CTNNA2: variants seen among roughly 807,000 people sequenced by gnomAD.
CTNNA2 encodes catenin alpha 2, also known as catenin alpha-2.
CTNNA2 carries 42 observed loss-of-function variants against 101.0 expected under a neutral mutation model. That is an observed-to-expected ratio of 0.42 (90% CI 0.32 to 0.54). The LOEUF is 0.54. Among genes scored for constraint, CTNNA2 ranks in the 20% least tolerant of loss-of-function variants. The pLI, the probability that CTNNA2 is intolerant of heterozygous loss-of-function variation, is 0.14. For synonymous variants in CTNNA2, 450 were observed against 456.4 expected (o/e 0.99, Z 0.18); for missense variants, 871 against 1,223.1 (o/e 0.71, Z 4.29).
chr2:79,383,413 G>A (rs936485649), intron 4 of CTNNA2, among the ~76,000 whole-genome samples: 45 of 152,276 alleles, frequency 3.0e-4, no homozygotes, highest in African/African-American at 1.0e-3. Flanking sequence ...AGAGAAAAGT[G>A]TGTGGAAATA....
chr2:79,914,166 C>CAAAAAAAA (rs55675912), intron 7 of CTNNA2, among the ~76,000 whole-genome samples: 6 of 90,620 alleles, frequency 6.6e-5, no homozygotes, highest in Non-Finnish European at 1.1e-4. Flanking sequence ...GACTCCGTCT[C>CAAAAAAAA]AAAAAAAAAA....
intron 1 of CTNNA2, among the ~76,000 whole-genome samples, chr2:79,651,297 A>C (rs1212514746): frequency 1.3e-5 from 2 of 152,186 alleles, no homozygotes; most frequent in African/African-American, 4.8e-5. Flanking sequence ...GAAATATTTC[A>C]GTGGCTATTG....
chr2:79,306,991 T>A (rs1160009144), intron 2 of CTNNA2, among the ~76,000 whole-genome samples: 2 of 152,220 alleles, frequency 1.3e-5, no homozygotes. Context: ...TTTGTAGGCA[T>A]AAGATATACT....
At chr2:79,320,544 A>G (rs1482754251) in intron 3 of CTNNA2, among the ~76,000 whole-genome samples, 1 of 152,180 alleles carries the variant, frequency 6.6e-6, no homozygotes, top group Non-Finnish European at 1.5e-5. Context: ...GGCTGAGAAG[A>G]GTCTACCTGA....
At chr2:79,948,000 C>A (rs1180669101) in intron 7 of CTNNA2, among the ~76,000 whole-genome samples, 1 of 152,212 alleles carries the variant, frequency 6.6e-6, no homozygotes, top group Non-Finnish European at 1.5e-5. Flanking sequence ...CCCGTCCCTG[C>A]CCTGCAAGAA....
chr2:80,232,341 G>GTTGTTTTTT (rs1709276642), intron 7 of CTNNA2, among the ~76,000 whole-genome samples: 2 of 82,052 alleles, frequency 2.4e-5, no homozygotes, highest in African/African-American at 6.6e-5. Flanking sequence ...TTGTTTGTTT[G>GTTGTTTTTT]TTTGTTTTTT....
At chr2:80,397,731 A>G (rs1678155541) in intron 8 of CTNNA2, among the ~76,000 whole-genome samples, 1 of 152,162 alleles carries the variant, frequency 6.6e-6, no homozygotes, top group South Asian at 2.1e-4. Flanking sequence ...TTTTTATTAG[A>G]AGCGTGAGAA....
intron 3 of CTNNA2, among the ~76,000 whole-genome samples, chr2:79,344,935 T>C (rs1206016825): frequency 6.7e-6 from 1 of 148,880 alleles, no homozygotes; most frequent in Non-Finnish European, 1.5e-5. Context: ...AGATAGTGTA[T>C]GTAAAGTACT....
chr2:80,039,370 C>T (rs1014399085), intron 7 of CTNNA2, among the ~76,000 whole-genome samples: 6 of 152,126 alleles, frequency 3.9e-5, no homozygotes, highest in Non-Finnish European at 5.9e-5. Context: ...CCAGAATGTC[C>T]GGGGAAATGT....
intron 7 of CTNNA2, among the ~76,000 whole-genome samples, chr2:80,167,315 T>A (rs1230597482): frequency 6.6e-6 from 1 of 152,142 alleles, no homozygotes; most frequent in Non-Finnish European, 1.5e-5. Context: ...ATAAGAGGAA[T>A]CATTATAATT....
intron 7 of CTNNA2, among the ~76,000 whole-genome samples, chr2:80,107,422 A>C (rs1193145147): frequency 6.6e-6 from 1 of 152,014 alleles, no homozygotes; most frequent in Non-Finnish European, 1.5e-5. Flanking sequence ...GGTTGGCCCT[A>C]GGAGGAGAGA....
intron 2 of CTNNA2, among the ~76,000 whole-genome samples, chr2:79,724,078 A>G (rs528717146): frequency 1.3e-5 from 2 of 152,242 alleles, no homozygotes; most frequent in Admixed American, 1.3e-4. Flanking sequence ...GCCTCGTTGG[A>G]TGTTACTGAT....
chr2:79,760,288 TG>T (rs1672700958), intron 3 of CTNNA2, among the ~76,000 whole-genome samples: 1 of 73,942 alleles, frequency 1.4e-5, no homozygotes, highest in South Asian at 5.8e-4. Context: ...ACATATAAAA[TG>T]TGTGTGTGTG....
At position 80,126,459 on chromosome 2, in the gene CTNNA2, TTCTC is replaced by T. The variant is rs61295855; in HGVS notation, c.1056+216680_1056+216683del. Among the ~76,000 whole-genome samples the T allele has an allele frequency of 3.2e-3, 469 of 148,108 alleles. 1 individual carries two copies. The highest frequency in any genetic ancestry group is 8.4e-3 in the Admixed American group (126 of 14,922). On this transcript the variant is annotated intron_variant, in intron 7 of 18. Coordinates refer to ENST00000402739, the MANE Select transcript of CTNNA2 (RefSeq NM_001282597.3). Reference sequence around the variant, plus strand: ...AATCTCTTACCTCCAACTCCTACCATTCTCTCTCTCTCTCTCTCTCTGTCTTGAT... The same window carrying T: ...AATCTCTTACCTCCAACTCCTACCATTCTCTCTCTCTCTCTCTGTCTTGAT...
At chr2:79,991,189 C>T (rs552052233) in intron 7 of CTNNA2, among the ~76,000 whole-genome samples, 24 of 152,030 alleles carry the variant, frequency 1.6e-4, no homozygotes, top group African/African-American at 2.9e-4. Context: ...GTCTTGCTAG[C>T]GGTCTATAAA....
chr2:79,717,303 G>A (rs191192157), intron 2 of CTNNA2, among the ~76,000 whole-genome samples: 6 of 152,326 alleles, frequency 3.9e-5, no homozygotes, highest in East Asian at 1.9e-4. Context: ...AAAGATTCAT[G>A]CAGAAGTTTC....
chr2:79,709,855 G>T (rs1195223660), intron 2 of CTNNA2, among the ~76,000 whole-genome samples: 1 of 152,100 alleles, frequency 6.6e-6, no homozygotes. Flanking sequence ...CTTTTGTGAG[G>T]CCAGATGGGG....
intron 7 of CTNNA2, chr2:80,305,223 C>G: frequency 1.0e-6 from 1 of 985,278 alleles, no homozygotes; most frequent in Non-Finnish European, 1.2e-6. Flanking sequence ...CTGCAGTCAG[C>G]CAGCCCTTTT....
chr2:80,025,884 C>T (rs536683674), intron 7 of CTNNA2, among the ~76,000 whole-genome samples: 5 of 152,132 alleles, frequency 3.3e-5, no homozygotes, highest in African/African-American at 9.6e-5. Context: ...TCAAGGTGCT[C>T]GAGAAACAGC....
Sources: gnomAD v4.1 joint callset for allele counts (sites outside exome capture counted in the v4.1 genomes callset) on GRCh38, gnomAD v4.1.1 for gene constraint, MANE v1.5 for transcripts, NCBI Gene and HGNC (gene_info 2026-07-23, HGNC 2026-07-21) for gene names.